The following NCOA2 variants were observed in gnomAD, a reference collection of about 807,000 sequenced individuals.
NCOA2 encodes the protein class E basic helix-loop-helix protein 75.
In NCOA2, 21 loss-of-function variants were observed where a neutral mutation model predicts 145.1. The ratio of observed to expected loss-of-function variants is 0.14; its 90% CI spans 0.10 to 0.21. NCOA2 has a LOEUF of 0.21. Among genes scored for constraint, NCOA2 ranks in the 10% least tolerant of loss-of-function variants. NCOA2 has a pLI of 1.00. For synonymous variants in NCOA2, 619 were observed against 637.5 expected, an observed-to-expected ratio of 0.97 and a Z score of 0.44; for missense variants, 1,472 against 1,837.6, an observed-to-expected ratio of 0.80 and a Z score of 3.64.
chr8:70,221,759 A>G (rs1467911405), intron 2 of NCOA2, among the ~76,000 whole-genome samples: 1 of 152,246 alleles, frequency 6.6e-6, no homozygotes, highest in Admixed American at 6.5e-5. Flanking sequence ...ATGTTGATTC[A>G]TACAAAGAAT....
chr8:70,113,946 T>G (rs753848714), intron 22 of NCOA2, among the ~76,000 whole-genome samples: 8 of 152,098 alleles, frequency 5.3e-5, no homozygotes, highest in Non-Finnish European at 8.8e-5. Flanking sequence ...ACCAACAACA[T>G]CCTAGCTCAA....
chr8:70,416,187 G>GTTTTTTTT, the NCOA2 span, among the ~76,000 whole-genome samples: 1 of 136,752 alleles, frequency 7.3e-6, no homozygotes, highest in African/African-American at 3.0e-5. Flanking sequence ...GGGGACCTCA[G>GTTTTTTTT]TTTTTTTGTT....
chr8:70,140,321 C>T (rs1270485434), intron 14 of NCOA2, among the ~76,000 whole-genome samples: 1 of 152,186 alleles, frequency 6.6e-6, no homozygotes, highest in Non-Finnish European at 1.5e-5. Context: ...TACTTTCTGT[C>T]CCTACAGATT....
chr8:70,391,026 G>T (rs1025115557), intron 1 of NCOA2, among the ~76,000 whole-genome samples: 2 of 152,068 alleles, frequency 1.3e-5, no homozygotes, highest in Admixed American at 1.3e-4. Context: ...TCCTAAAGTA[G>T]GAAAGAGAAA....
intron 15 of NCOA2, 117 bp from the exon 16 acceptor site, chr8:70,132,119 C>G: frequency 1.0e-6 from 1 of 994,816 alleles, no homozygotes; most frequent in Non-Finnish European, 1.5e-6. Flanking sequence ...CAACAAACTA[C>G]TGTACCAACT....
intron 2 of NCOA2, among the ~76,000 whole-genome samples, chr8:70,287,048 G>A (rs1214193717): frequency 3.3e-5 from 5 of 152,018 alleles, no homozygotes; most frequent in Admixed American, 3.3e-4. Context: ...TTAGAGACTA[G>A]CCTGGCCAAC....
At chr8:70,148,137 A>G (rs1473575451) in intron 12 of NCOA2, 136 bp downstream of exon 12, 25 of 783,016 alleles carry the variant, frequency 3.2e-5, no homozygotes, top group Non-Finnish European at 4.9e-5. Flanking sequence ...TCAAAAGACC[A>G]GGACAGTAGA....
intron 1 of NCOA2, among the ~76,000 whole-genome samples, chr8:70,313,782 T>C (rs547684644): frequency 6.6e-5 from 10 of 152,170 alleles, no homozygotes; most frequent in Non-Finnish European, 1.5e-4. Context: ...TTTATACAAG[T>C]TTCTCCCCAC....
chr8:70,258,376 C>G (rs1053281833), intron 2 of NCOA2, among the ~76,000 whole-genome samples: 1 of 152,160 alleles, frequency 6.6e-6, no homozygotes, highest in Non-Finnish European at 1.5e-5. Flanking sequence ...CTACCGTGCC[C>G]AACTTTCAAG....
rs71558579 is a variant in NCOA2, at chr8:70,116,186, T to TAAAAAAAAAA, written c.4384-2553_4384-2544dup. Among the ~76,000 whole-genome samples the TAAAAAAAAAA allele has an allele frequency of 9.6e-3, 775 of 80,516 alleles. 26 individuals are homozygous for TAAAAAAAAAA. The highest frequency in any genetic ancestry group is 0.039 in the African/African-American group (723 of 18,550). 52.8% of individuals were successfully genotyped at this position (80,516 alleles called of 152,430 possible). On this transcript the variant is annotated intron_variant, in intron 22 of 22. Transcript: ENST00000452400. ...TGGGCGACAAAGCGAGACTCTGTCT[T>TAAAAAAAAAA]AAAAAAAAAAAAAAAAAAAAAGGAT...
the NCOA2 span, among the ~76,000 whole-genome samples, chr8:70,446,432 C>T: frequency 6.6e-6 from 1 of 152,150 alleles, no homozygotes; most frequent in African/African-American, 2.4e-5. Flanking sequence ...AAAAACCCTC[C>T]CATTCTCAGC....
At position 70,386,853 on chromosome 8, in the gene NCOA2, C is replaced by G. The variant is rs141213402; in HGVS notation, c.-77+16847G>C. ...TCAGAAATAAAGCACTTGTCCAATGCAACAGGTCCATCCAGAGGCAGTATA... is the reference window on the plus strand; with the variant it reads ...TCAGAAATAAAGCACTTGTCCAATGGAACAGGTCCATCCAGAGGCAGTATA... On this transcript the variant is annotated intron_variant, in intron 1 of 22. Transcript: ENST00000452400. Among the ~76,000 whole-genome samples, 450 of 152,262 alleles carry G rather than the reference C, an allele frequency of 3.0e-3. 1 individual carries two copies. Among genetic ancestry groups the G allele is most frequent in the African/African-American group, 0.01 (424 of 41,562 alleles).
intron 2 of NCOA2, among the ~76,000 whole-genome samples, chr8:70,290,966 G>C (rs966868640): frequency 1.1e-4 from 17 of 152,274 alleles, no homozygotes; most frequent in Admixed American, 7.8e-4. Context: ...AAGTGAAAGT[G>C]AACAGCCTAG....
chr8:70,354,543 G>T (rs1264685065), intron 1 of NCOA2, among the ~76,000 whole-genome samples: 2 of 152,154 alleles, frequency 1.3e-5, no homozygotes, highest in African/African-American at 4.8e-5. Context: ...TCTACAGTCT[G>T]AAACTCATAC....
chr8:70,184,233 A>T (rs1032187045), intron 4 of NCOA2, among the ~76,000 whole-genome samples: 3 of 152,192 alleles, frequency 2.0e-5, no homozygotes, highest in Admixed American at 2.0e-4. Context: ...CACGAAGTTT[A>T]AAAACCCCAA....
At chr8:70,321,394 C>T (rs1236070447) in intron 1 of NCOA2, among the ~76,000 whole-genome samples, 1 of 151,782 alleles carries the variant, frequency 6.6e-6, no homozygotes, top group Non-Finnish European at 1.5e-5. Context: ...CCCTGAGCTC[C>T]AGCACTCCAC....
chr8:70,427,670 C>T, the NCOA2 span, among the ~76,000 whole-genome samples: 1 of 152,192 alleles, frequency 6.6e-6, no homozygotes, highest in Non-Finnish European at 1.5e-5. Context: ...TACCCCTTCT[C>T]CCAGCCTCTG....
Position 70,360,942 on chromosome 8 carries a change from C to CAA in NCOA2, c.-77+42756_-77+42757dup, listed in dbSNP as rs1213854420. ...GACAGAGTGAGTGGAGATTCCAGCT[C>CAA]AAAAAAAAAAAAAAAAAAAAGTTAC... On this transcript the variant is annotated intron_variant, in intron 1 of 22. Coordinates refer to ENST00000452400, the MANE Select transcript of NCOA2 (RefSeq NM_006540.4). Among the ~76,000 whole-genome samples, 370 of 55,204 alleles carry CAA rather than the reference C, an allele frequency of 6.7e-3. 6 individuals carry two copies. Among genetic ancestry groups the CAA allele is most frequent in the African/African-American group, 0.02 (353 of 17,724 alleles). 36.2% of individuals were successfully genotyped at this position (55,204 alleles called of 152,430 possible).
intron 4 of NCOA2, among the ~76,000 whole-genome samples, chr8:70,200,912 G>A (rs1372801088): frequency 2.0e-5 from 3 of 151,838 alleles, no homozygotes; most frequent in African/African-American, 7.3e-5. Flanking sequence ...GTCAAATGTG[G>A]TGTTGTACAC....
Sources: allele counts gnomAD v4.1 joint callset (sites outside exome capture counted in the v4.1 genomes callset), GRCh38; gene constraint gnomAD v4.1.1; transcripts MANE v1.5; gene names NCBI Gene and HGNC (gene_info 2026-07-23, HGNC 2026-07-21).